The following NSD3 variants were observed in gnomAD, a reference collection of about 807,000 sequenced individuals.
NSD3 encodes the protein nuclear receptor binding SET domain protein 3.
A neutral mutation model predicts 160.8 loss-of-function variants in NSD3; 24 were observed. That is an observed-to-expected ratio of 0.15 (90% CI 0.11 to 0.21). The LOEUF is 0.21. NSD3 is among the 10% of genes least tolerant of loss of function. The pLI is 1.00. For missense variants in NSD3, 1,157 were observed against 1,735.9 expected, an observed-to-expected ratio of 0.67 and a Z score of 5.93; for synonymous variants, 520 against 600.0, an observed-to-expected ratio of 0.87 and a Z score of 1.95.
chr8:38,338,492 C>G, intron 3 of NSD3, 44 bp downstream of exon 3: 1 of 1,493,350 alleles, frequency 6.7e-7, no homozygotes, highest in South Asian at 1.1e-5. Flanking sequence ...GTTTCACCTT[C>G]TTCCACCATA....
At chr8:38,333,861 G>A (rs564197301) in intron 4 of NSD3, among the ~76,000 whole-genome samples, 4 of 151,986 alleles carry the variant, frequency 2.6e-5, no homozygotes, top group South Asian at 4.1e-4. Flanking sequence ...GCGACAGAGC[G>A]AGACTCCGTC....
intron 22 of NSD3, among the ~76,000 whole-genome samples, chr8:38,277,645 T>A (rs1808632193): frequency 6.6e-6 from 1 of 152,208 alleles, no homozygotes; most frequent in Admixed American, 6.5e-5. Flanking sequence ...CCTGTTAATT[T>A]TTTTCATTGA....
intron 4 of NSD3, 80 bp from the exon 5 acceptor site, chr8:38,331,665 G>T: frequency 1.4e-6 from 2 of 1,478,546 alleles, no homozygotes; most frequent in Non-Finnish European, 1.8e-6. Context: ...ATCTAACCCA[G>T]GTTCCTCAGT....
chr8:38,352,646 C>T (rs1810730372), intron 1 of NSD3, among the ~76,000 whole-genome samples: 1 of 152,136 alleles, frequency 6.6e-6, no homozygotes. Context: ...CACTCTGTTG[C>T]CCAGGCTGGA....
chr8:38,332,452 T>G (rs531883773), intron 4 of NSD3, among the ~76,000 whole-genome samples: 1 of 152,302 alleles, frequency 6.6e-6, no homozygotes, highest in South Asian at 2.1e-4. Flanking sequence ...CTTTAATTTC[T>G]AAATTTAAAT....
intron 12 of NSD3, among the ~76,000 whole-genome samples, chr8:38,307,959 C>A (rs1809447626): frequency 6.6e-6 from 1 of 152,162 alleles, no homozygotes; most frequent in South Asian, 2.1e-4. Context: ...AGATAATTCA[C>A]AAGAGTCAAT....
chr8:38,323,647 C>T (rs908288634), intron 7 of NSD3, among the ~76,000 whole-genome samples: 2 of 151,638 alleles, frequency 1.3e-5, no homozygotes, highest in African/African-American at 4.8e-5. Flanking sequence ...GTGAGACACT[C>T]ATCTCTACAA....
In NSD3 at chr8:38,270,601, T is replaced by G. The variant is rs542254438; in HGVS notation, c.*5040A>C. The G allele has an allele frequency of 4.6e-5, 7 of 152,354 alleles. No homozygotes were observed. The highest frequency in any genetic ancestry group is 1.7e-4 in the African/African-American group (7 of 41,584). The allele number at this position is 152,354 out of a possible 1,614,324, so 9.4% of individuals were successfully genotyped here. On this transcript the variant is annotated 3_prime_UTR_variant, in exon 24 of 24. Coordinates refer to ENST00000317025, the MANE Select transcript of NSD3 (RefSeq NM_023034.2). ...CCATTTCTAAACTGACAAGAATACCTTATTCAATACCTTATATAGGTCATC... is the reference window on the plus strand; with the variant it reads ...CCATTTCTAAACTGACAAGAATACCGTATTCAATACCTTATATAGGTCATC...
At chr8:38,369,556 T>C (rs913165219) in intron 1 of NSD3, among the ~76,000 whole-genome samples, 1 of 152,250 alleles carries the variant, frequency 6.6e-6, no homozygotes, top group Non-Finnish European at 1.5e-5. Context: ...TCATTTTGTG[T>C]ACACTATTTT....
At chr8:38,369,657 C>A (rs1329720077) in intron 1 of NSD3, among the ~76,000 whole-genome samples, 1 of 152,128 alleles carries the variant, frequency 6.6e-6, no homozygotes, top group Non-Finnish European at 1.5e-5. Context: ...CCCTGTAACT[C>A]CAAGAATAAT....
At chr8:38,374,114 CA>C (rs997756717) in intron 1 of NSD3, among the ~76,000 whole-genome samples, 238 of 137,774 alleles carry the variant, frequency 1.7e-3, no homozygotes, top group Admixed American at 1.9e-3. Flanking sequence ...GACCCTGTCT[CA>C]AAAAAAAAAA....
intron 14 of NSD3, among the ~76,000 whole-genome samples, chr8:38,303,880 AATATGGCTTGAG>A (rs1446404994): frequency 3.9e-5 from 6 of 152,256 alleles, no homozygotes. Context: ...GTTTTATTAT[AATATGGCTTGAG>A]ATAAAGCCAG....
intron 19 of NSD3, among the ~76,000 whole-genome samples, chr8:38,287,173 T>G (rs1425956428): frequency 6.6e-6 from 1 of 152,238 alleles, no homozygotes; most frequent in Non-Finnish European, 1.5e-5. Flanking sequence ...CAAAGGTGGA[T>G]GACCAAGAAC....
intron 1 of NSD3, among the ~76,000 whole-genome samples, chr8:38,349,854 G>A (rs1289235560): frequency 1.3e-5 from 2 of 148,514 alleles, no homozygotes; most frequent in East Asian, 4.0e-4. Flanking sequence ...CCCCACAACA[G>A]GCCCCAGTGT....
chr8:38,320,950 G>T, intron 8 of NSD3, 122 bp downstream of exon 8: 1 of 876,120 alleles, frequency 1.1e-6, no homozygotes, highest in East Asian at 2.5e-5. Flanking sequence ...GGACAGAAGC[G>T]TTAAGATAGT....
intron 14 of NSD3, among the ~76,000 whole-genome samples, chr8:38,301,001 C>T (rs940248410): frequency 1.3e-5 from 2 of 152,058 alleles, no homozygotes; most frequent in African/African-American, 4.8e-5. Flanking sequence ...GACAGGGTCT[C>T]GCTCTGTCAC....
intron 6 of NSD3, among the ~76,000 whole-genome samples, chr8:38,327,315 C>T (rs528951554): frequency 1.1e-4 from 16 of 152,144 alleles, no homozygotes; most frequent in Admixed American, 1.3e-4. Context: ...CTTGGCCTCC[C>T]AAAGTGCTGG....
chr8:38,330,130 C>T (rs1477495150), intron 5 of NSD3, among the ~76,000 whole-genome samples: 1 of 152,102 alleles, frequency 6.6e-6, no homozygotes, highest in Admixed American at 6.5e-5. Flanking sequence ...GGACAAGGTC[C>T]CCAAGAGGGA....
chr8:38,314,510 G>A (rs1203480219), intron 12 of NSD3, 137 bp downstream of exon 12: 1 of 1,299,068 alleles, frequency 7.7e-7, no homozygotes, highest in East Asian at 2.5e-5. Flanking sequence ...ATCTTAATTT[G>A]TTGAAATACC....
Sources: allele counts gnomAD v4.1 joint callset (sites outside exome capture counted in the v4.1 genomes callset), GRCh38; gene constraint gnomAD v4.1.1; transcripts MANE v1.5; gene names NCBI Gene and HGNC (gene_info 2026-07-23, HGNC 2026-07-21).